The following GDI2 variants were observed in gnomAD, a reference collection of about 807,000 sequenced individuals.
GDI2 encodes rab GDP dissociation inhibitor beta.
A neutral mutation model predicts 54.2 loss-of-function variants in GDI2; 22 were observed. The ratio of observed to expected loss-of-function variants is 0.41; its 90% CI spans 0.29 to 0.58. The LOEUF is 0.58. Ranked by LOEUF, GDI2 falls within the 20% of genes least tolerant of loss-of-function variation. The pLI, the probability that GDI2 is intolerant of heterozygous loss-of-function variation, is 0.35. For missense variants in GDI2, 422 were observed against 546.0 expected (o/e 0.77, Z 2.26); for synonymous variants, 177 against 182.1 (o/e 0.97, Z 0.23).
In GDI2 at chr10:5,766,693, C is replaced by T. The variant is rs1755307831; in HGVS notation, c.992-55G>A. On this transcript the variant is annotated intron_variant, in intron 8 of 10. Coordinates refer to ENST00000380191, the MANE Select transcript of GDI2 (RefSeq NM_001494.4). The surrounding 1 kb of genome is among the most constrained non-coding windows in gnomAD (Gnocchi z 5.8). ...TCAAGTGTCTCCATCTGGGACCCAA[C>T]ATACTCAGGTATCACCCATATGTCA... The T allele has an allele frequency of 2.1e-6, 3 of 1,435,028 alleles. No homozygotes were observed. Among genetic ancestry groups the T allele is most frequent in the Middle Eastern group, 3.5e-4 (2 of 5,734 alleles). 88.9% of individuals were successfully genotyped at this position (1,435,028 alleles called of 1,614,324 possible).
intron 1 of GDI2, among the ~76,000 whole-genome samples, chr10:5,801,306 A>AT: frequency 6.6e-6 from 1 of 152,328 alleles, no homozygotes. Flanking sequence ...TCAATGGTGG[A>AT]TAAAACAAAT....
Position 5,785,274 on chromosome 10 carries a change from C to T in GDI2, c.588-1G>A. ...TTCATAACACGGTTGATCTAAGTAACTGGAAGAAAGGAAATGAGTATTAGG... is the reference window on the plus strand; with the variant it reads ...TTCATAACACGGTTGATCTAAGTAATTGGAAGAAAGGAAATGAGTATTAGG... On this transcript the variant is annotated splice_acceptor_variant, in intron 5 of 10. Transcript: ENST00000380191. LOFTEE classifies it high-confidence loss of function. The T allele has an allele frequency of 6.3e-7, 1 of 1,585,464 alleles. No homozygotes were observed. Among genetic ancestry groups the T allele is most frequent in the South Asian group, 1.1e-5 (1 of 88,756 alleles).
chr10:5,780,589 A>G (rs1840734556), intron 6 of GDI2, among the ~76,000 whole-genome samples: 1 of 152,258 alleles, frequency 6.6e-6, no homozygotes, highest in Non-Finnish European at 1.5e-5. Flanking sequence ...ATACAACGTC[A>G]ACATACAATT....
intron 6 of GDI2, among the ~76,000 whole-genome samples, 156 bp downstream of exon 6, chr10:5,784,986 T>C (rs1353845735): frequency 1.4e-5 from 2 of 146,712 alleles, no homozygotes; most frequent in African/African-American, 4.9e-5. Context: ...TGAAGATCCA[T>C]GCATATCATT....
chr10:5,812,400 G>A (rs1483003574), intron 1 of GDI2, among the ~76,000 whole-genome samples: 1 of 152,148 alleles, frequency 6.6e-6, no homozygotes, highest in African/African-American at 2.4e-5. Context: ...AAGCTTCGGA[G>A]TACAGAGAAC....
Position 5,765,760 on chromosome 10 carries a change from CT to C in GDI2, c.*245del, listed in dbSNP as rs1338324621. Reference sequence around the variant, plus strand: ...TGTCGGTATCCCAATGTTTGTTTAACTTCACTAGAAAAAAAAAAAGCCAGTT... The same window carrying C: ...TGTCGGTATCCCAATGTTTGTTTAACTCACTAGAAAAAAAAAAAGCCAGTT... On this transcript the variant is annotated 3_prime_UTR_variant, in exon 11 of 11. Transcript: ENST00000380191. 9.0e-6 allele frequency: 3 copies of C among 331,692 alleles called. No individual in the cohort carries two copies. Among genetic ancestry groups the C allele is most frequent in the Non-Finnish European group, 1.5e-5 (3 of 203,088 alleles). The allele number at this position is 331,692 out of a possible 1,614,324, so 20.5% of individuals were successfully genotyped here.
intron 1 of GDI2, among the ~76,000 whole-genome samples, chr10:5,807,695 C>T (rs912863117): frequency 6.6e-6 from 1 of 152,154 alleles, no homozygotes; most frequent in Admixed American, 6.5e-5. Context: ...CACCAAAGTG[C>T]TAGTACGTGT....
intron 2 of GDI2, among the ~76,000 whole-genome samples, chr10:5,797,272 A>C (rs1167388001): frequency 6.6e-6 from 1 of 151,688 alleles, no homozygotes; most frequent in Non-Finnish European, 1.5e-5. Context: ...TTGGCCAAGC[A>C]TGGTGGCTCA....
In GDI2 at chr10:5,766,717, CATG is replaced by C. The variant is rs1263607985; in HGVS notation, c.992-82_992-80del. 3.5e-5 allele frequency: 40 copies of C among 1,147,492 alleles called. No homozygotes were observed. The highest frequency in any genetic ancestry group is 1.1e-4 in the Admixed American group (6 of 53,980). 71.1% of individuals were successfully genotyped at this position (1,147,492 alleles called of 1,614,324 possible). On this transcript the variant is annotated intron_variant, in intron 8 of 10. Transcript: ENST00000380191. This position sits in a 1 kb window ranked among gnomAD's most constrained non-coding sequence, Gnocchi z 5.8. ...ACATACTCAGGTATCACCCATATGT[CATG>C]AGGTGTGAGTTAAAATTACTCTCAA...
intron 3 of GDI2, 81 bp from the exon 4 acceptor site, chr10:5,795,100 A>C: frequency 1.1e-6 from 1 of 875,638 alleles, no homozygotes; most frequent in Non-Finnish European, 1.8e-6. Context: ...AGCTTCTAAA[A>C]TTTTTTCTAA....
At chr10:5,798,805 C>G (rs912557215) in intron 2 of GDI2, among the ~76,000 whole-genome samples, 4 of 151,804 alleles carry the variant, frequency 2.6e-5, no homozygotes, top group Middle Eastern at 3.2e-3. Flanking sequence ...AAATCCCCAT[C>G]TCTACTAAAA....
At chr10:5,767,409 T>G (rs1840372524) in intron 8 of GDI2, among the ~76,000 whole-genome samples, 1 of 152,040 alleles carries the variant, frequency 6.6e-6, no homozygotes, top group Non-Finnish European at 1.5e-5. Flanking sequence ...ACTCCTGAGC[T>G]CAAGTGATCC....
At chr10:5,796,961 C>T in intron 2 of GDI2, 99 bp from the exon 3 acceptor site, 2 of 612,530 alleles carry the variant, frequency 3.3e-6, no homozygotes, top group East Asian at 2.8e-5. Flanking sequence ...TATAACTAAA[C>T]ACCACCATGC....
rs968648344 is a variant in GDI2 at position 5,768,548 on chromosome 10, TAAAAG to T, written c.820-169_820-165del. ...AATTCTGGAACAACCAAAACAATCTTAAAAGAAGAACAGCAAAGCTGGAGGACTCA... is the reference window on the plus strand; with the variant it reads ...AATTCTGGAACAACCAAAACAATCTTAAGAACAGCAAAGCTGGAGGACTCA... On this transcript the variant is annotated intron_variant, in intron 7 of 10. Transcript: ENST00000380191. This position sits in a 1 kb window ranked among gnomAD's most constrained non-coding sequence, Gnocchi z 4.4. The T allele has an allele frequency of 4.9e-5, 29 of 595,388 alleles. No individual in the cohort carries two copies. Among genetic ancestry groups the T allele is most frequent in the East Asian group, 1.1e-4 (4 of 35,802 alleles). 36.9% of individuals were successfully genotyped at this position (595,388 alleles called of 1,614,324 possible). A position where few individuals can be genotyped will look rare whatever the true frequency, so the allele number is the denominator to read the frequency against.
At chr10:5,788,478 C>A (rs1220307690) in intron 4 of GDI2, among the ~76,000 whole-genome samples, 1 of 152,202 alleles carries the variant, frequency 6.6e-6, no homozygotes, top group Non-Finnish European at 1.5e-5. Context: ...ATCTGAACTG[C>A]CACTTTTTAT....
chr10:5,774,736 T>G lies in GDI2; in HGVS notation c.720-795A>C, dbSNP rs148744035. Among the ~76,000 whole-genome samples the G allele has an allele frequency of 4.2e-3, 643 of 152,278 alleles. 3 individuals are homozygous for G. Among genetic ancestry groups the G allele is most frequent in the Middle Eastern group, 0.02 (6 of 294 alleles). ...AAGCCATGCGATGTCTGGGTTTTAC[T>G]CTGCTTCTTCAACTAAAATCGGCTC... On this transcript the variant is annotated intron_variant, in intron 6 of 10. Transcript: ENST00000380191. The surrounding 1 kb of genome is among the most constrained non-coding windows in gnomAD (Gnocchi z 4.8).
chr10:5,783,059 T>C lies in GDI2; in HGVS notation c.719+2083A>G, dbSNP rs577143767. On this transcript the variant is annotated intron_variant, in intron 6 of 10. Transcript: ENST00000380191. ...TTTGAAAACAAGCAAAAGTAATCTA[T>C]AGTGACAGAAATCACAGAGGTGGTT... 7.6e-4 allele frequency among the ~76,000 whole-genome samples: 116 copies of C among 152,332 alleles called. 1 individual carries two copies. The highest frequency in any genetic ancestry group is 3.1e-3 in the Admixed American group (47 of 15,298).
chr10:5,788,679 G>A (rs1443720650), intron 4 of GDI2, among the ~76,000 whole-genome samples: 1 of 152,138 alleles, frequency 6.6e-6, no homozygotes, highest in Non-Finnish European at 1.5e-5. Context: ...TGGACCACAT[G>A]CAGCCCATAG....
At chr10:5,812,142 C>T (rs1477641200) in intron 1 of GDI2, among the ~76,000 whole-genome samples, 8 of 151,502 alleles carry the variant, frequency 5.3e-5, no homozygotes. Flanking sequence ...TTTCAAATTT[C>T]CCCAAAAATT....
Sources: allele counts gnomAD v4.1 joint callset (sites outside exome capture counted in the v4.1 genomes callset), GRCh38; gene constraint gnomAD v4.1.1; non-coding constraint Gnocchi (gnomAD v3.1); transcripts MANE v1.5; gene names NCBI Gene and HGNC (gene_info 2026-07-23, HGNC 2026-07-21).